The following AGAP1 variants were observed in gnomAD, a reference collection of about 807,000 sequenced individuals.
AGAP1 encodes the protein ArfGAP with GTPase domain, ankyrin repeat and PH domain 1, also known as arf-GAP with GTPase, ANK repeat and PH domain-containing protein 1.
Under a neutral mutation model 105.3 loss-of-function variants are expected in AGAP1, and 29 were observed. The ratio of observed to expected loss-of-function variants is 0.28; its 90% CI spans 0.21 to 0.38. AGAP1 has a LOEUF of 0.38. Among genes scored for constraint, AGAP1 ranks in the 10% least tolerant of loss-of-function variants. The pLI is 1.00. For synonymous variants in AGAP1, 509 were observed against 485.9 expected (o/e 1.05, Z -0.63); for missense variants, 998 against 1,165.1 (o/e 0.86, Z 2.09).
At position 235,551,053 on chromosome 2, in the gene AGAP1, C is replaced by G. The variant is rs1287446390; in HGVS notation, c.163+56204C>G. Among the ~76,000 whole-genome samples, 1 of 152,164 alleles carries G rather than the reference C, an allele frequency of 6.6e-6. No individual in the cohort carries two copies. Among genetic ancestry groups the G allele is most frequent in the South Asian group, 2.1e-4 (1 of 4,822 alleles). On this transcript the variant is annotated intron_variant, in intron 1 of 17. Transcript: ENST00000304032. This position sits in a 1 kb window ranked among gnomAD's most constrained non-coding sequence, Gnocchi z 4.8. ...CCTCTGAAAGTGCTGGGATTACAGG[C>G]GTGAGCCACCGCGCTCGGCCATAGA...
Position 235,720,648 on chromosome 2 carries a change from G to T in AGAP1, c.310+3004G>T, listed in dbSNP as rs145043789. 1 of 985,206 alleles carries T rather than the reference G, an allele frequency of 1.0e-6. No homozygotes were observed. The highest frequency in any genetic ancestry group is 1.7e-5 in the African/African-American group (1 of 57,238). The allele number at this position is 985,206 out of a possible 1,614,324, so 61.0% of individuals were successfully genotyped here. A position where few individuals can be genotyped will look rare whatever the true frequency, so the allele number is the denominator to read the frequency against. On this transcript the variant is annotated intron_variant, in intron 3 of 17. Coordinates refer to ENST00000304032, the MANE Select transcript of AGAP1 (RefSeq NM_001037131.3). The surrounding 1 kb of genome is among the most constrained non-coding windows in gnomAD (Gnocchi z 5.0). The stretch of plus-strand genomic sequence containing the variant: ...ATTTTGCTGTGTATCTGCCTGTCCA[G>T]ATAGTTCCTTGGATTCTCCCTGCGC...
At chr2:235,499,139 C>T (rs1160897302) in intron 1 of AGAP1, among the ~76,000 whole-genome samples, 4 of 152,196 alleles carry the variant, frequency 2.6e-5, no homozygotes, top group Non-Finnish European at 4.4e-5. Context: ...GAGCTGGGCC[C>T]GTCCGACCTC....
In AGAP1 at chr2:236,120,997, G is replaced by A. The variant is rs972522665; in HGVS notation, c.2370+550G>A. ...GTGGTTGTGCAGAGAGGCCCTGCCT[G>A]TGCCACCCAGGAGCTACGTCTGAGA... On this transcript the variant is annotated intron_variant, in intron 17 of 17. Transcript: ENST00000304032. The surrounding 1 kb of genome is among the most constrained non-coding windows in gnomAD (Gnocchi z 6.0). Among the ~76,000 whole-genome samples, 1 of 152,240 alleles carries A rather than the reference G, an allele frequency of 6.6e-6. No homozygotes were observed. Among genetic ancestry groups the A allele is most frequent in the Admixed American group, 6.5e-5 (1 of 15,286 alleles).
At chr2:235,644,437 T>A (rs1041694642) in intron 1 of AGAP1, among the ~76,000 whole-genome samples, 1 of 152,132 alleles carries the variant, frequency 6.6e-6, no homozygotes, top group Non-Finnish European at 1.5e-5. Context: ...TACGTTTCCA[T>A]GGAGTCTGTA....
intron 9 of AGAP1, among the ~76,000 whole-genome samples, chr2:235,831,272 C>T (rs577090413): frequency 7.2e-5 from 11 of 152,190 alleles, no homozygotes; most frequent in South Asian, 6.2e-4. Context: ...CCACAGCCTC[C>T]GCCATTGTCC....
chr2:235,505,492 G>C (rs767566595), intron 1 of AGAP1, among the ~76,000 whole-genome samples: 8 of 152,230 alleles, frequency 5.3e-5, no homozygotes, highest in Non-Finnish European at 1.0e-4. Context: ...TTTAGTAGGG[G>C]AAGTGGCTAA....
At chr2:235,813,585 G>A (rs1958280458) in intron 9 of AGAP1, among the ~76,000 whole-genome samples, 1 of 152,236 alleles carries the variant, frequency 6.6e-6, no homozygotes, top group Admixed American at 6.5e-5. Context: ...AGGCAGTCAG[G>A]CGGGTTGTGG....
rs944111254 is a variant in AGAP1 at position 235,664,759 on chromosome 2, C to T, written c.164-44420C>T. Among the ~76,000 whole-genome samples the T allele has an allele frequency of 6.6e-6, 1 of 152,072 alleles. No homozygotes were observed. The highest frequency in any genetic ancestry group is 2.4e-5 in the African/African-American group (1 of 41,402). ...AGTCTGGGCCTGAATCTCCCGTGTT[C>T]CTCATGCATGGGTAGAACTAAAGCC... On this transcript the variant is annotated intron_variant, in intron 1 of 17. Coordinates refer to ENST00000304032, the MANE Select transcript of AGAP1 (RefSeq NM_001037131.3). This position sits in a 1 kb window ranked among gnomAD's most constrained non-coding sequence, Gnocchi z 5.7.
intron 9 of AGAP1, among the ~76,000 whole-genome samples, chr2:235,873,299 T>TCCCC (rs1221977365): frequency 6.6e-6 from 1 of 152,214 alleles, no homozygotes; most frequent in East Asian, 1.9e-4. Flanking sequence ...AAAAGCTATT[T>TCCCC]CCCGAGTCTG....
chr2:235,585,217 G>A (rs999046304), intron 1 of AGAP1, among the ~76,000 whole-genome samples: 2 of 152,180 alleles, frequency 1.3e-5, no homozygotes, highest in African/African-American at 2.4e-5. Context: ...TGGGTCTTAC[G>A]GGCCTAAAAT....
At chr2:235,495,043 C>T (rs1195614602) in intron 1 of AGAP1, among the ~76,000 whole-genome samples, 194 bp downstream of exon 1, 1 of 152,146 alleles carries the variant, frequency 6.6e-6, no homozygotes, top group Non-Finnish European at 1.5e-5. Flanking sequence ...GCCGCGAGCT[C>T]CGCCAGGAAG....
rs2054646012 is a variant in AGAP1, at chr2:235,971,622, G to A, written c.1645+2999G>A. 6.6e-6 allele frequency among the ~76,000 whole-genome samples: 1 copy of A among 151,864 alleles called. No individual in the cohort carries two copies. The highest frequency in any genetic ancestry group is 2.4e-5 in the African/African-American group (1 of 41,396). On this transcript the variant is annotated intron_variant, in intron 13 of 17. Transcript: ENST00000304032. The surrounding 1 kb of genome is among the most constrained non-coding windows in gnomAD (Gnocchi z 4.8). ...GGAGAATGGCGTGAACCCAGGAGGTGGAGCTTGCAGTGAGCCGGGATGGCG... is the reference window on the plus strand; with the variant it reads ...GGAGAATGGCGTGAACCCAGGAGGTAGAGCTTGCAGTGAGCCGGGATGGCG...
Position 235,612,739 on chromosome 2 carries a change from G to C in AGAP1, c.164-96440G>C, listed in dbSNP as rs60359381. On this transcript the variant is annotated intron_variant, in intron 1 of 17. Coordinates refer to ENST00000304032, the MANE Select transcript of AGAP1 (RefSeq NM_001037131.3). The surrounding 1 kb of genome is among the most constrained non-coding windows in gnomAD (Gnocchi z 4.3). ...GGGTGGCCGGCCAGGTGTGCTGAGT[G>C]CCACCTGGGCTTGCATGCCGGACGC... Among the ~76,000 whole-genome samples the C allele has an allele frequency of 0.072, 10,964 of 152,204 alleles. 554 individuals are homozygous for C. Among genetic ancestry groups the C allele is most frequent in the East Asian group, 0.29 (1,508 of 5,138 alleles).
At position 235,901,683 on chromosome 2, in the gene AGAP1, C is replaced by G. The variant is rs1031892600; in HGVS notation, c.1156-7055C>G. On this transcript the variant is annotated intron_variant, in intron 10 of 17. Transcript: ENST00000304032. The surrounding 1 kb of genome is among the most constrained non-coding windows in gnomAD (Gnocchi z 4.3). Reference sequence around the variant, plus strand: ...GTCACCTGAAGTCAGAAGTTGGAGACTAGTCTGGCCAACATGGTGAAACCC... The same window carrying G: ...GTCACCTGAAGTCAGAAGTTGGAGAGTAGTCTGGCCAACATGGTGAAACCC... 2.0e-5 allele frequency among the ~76,000 whole-genome samples: 3 copies of G among 152,168 alleles called. No homozygotes were observed. Among genetic ancestry groups the G allele is most frequent in the Non-Finnish European group, 4.4e-5 (3 of 68,032 alleles).
rs909705653 is a variant in AGAP1, at chr2:235,655,977, G to A, written c.164-53202G>A. Among the ~76,000 whole-genome samples the A allele has an allele frequency of 2.6e-5, 4 of 152,184 alleles. No individual in the cohort carries two copies. Among genetic ancestry groups the A allele is most frequent in the Non-Finnish European group, 4.4e-5 (3 of 68,038 alleles). On this transcript the variant is annotated intron_variant, in intron 1 of 17. Coordinates refer to ENST00000304032, the MANE Select transcript of AGAP1 (RefSeq NM_001037131.3). The surrounding 1 kb of genome is among the most constrained non-coding windows in gnomAD (Gnocchi z 4.3). Reference sequence around the variant, plus strand: ...CGATACTTCCAATAAGTAACTAGCAGGGCTGTACACACTCTACCAGGAAAG... The same window carrying A: ...CGATACTTCCAATAAGTAACTAGCAAGGCTGTACACACTCTACCAGGAAAG...
At chr2:235,629,879 A>AAAAAAAG (rs1946769820) in intron 1 of AGAP1, among the ~76,000 whole-genome samples, 2 of 151,214 alleles carry the variant, frequency 1.3e-5, no homozygotes, top group Non-Finnish European at 1.5e-5. Context: ...AAAAAAAAAA[A>AAAAAAAG]AAAAGAAAGA....
chr2:235,753,264 T>C lies in AGAP1; in HGVS notation c.673+2776T>C, dbSNP rs1172249858. Among the ~76,000 whole-genome samples, 3 of 152,050 alleles carry C rather than the reference T, an allele frequency of 2.0e-5. No homozygotes were observed. The highest frequency in any genetic ancestry group is 7.2e-5 in the African/African-American group (3 of 41,418). On this transcript the variant is annotated intron_variant, in intron 6 of 17. Transcript: ENST00000304032. The surrounding 1 kb of genome is among the most constrained non-coding windows in gnomAD (Gnocchi z 4.5). ...AAGGACTGATATTTCTAAATATTAG[T>C]TTAAAATATTCAGAAAAAGCGTTTC...
At chr2:235,558,220 T>A (rs1436496588) in intron 1 of AGAP1, among the ~76,000 whole-genome samples, 1 of 151,132 alleles carries the variant, frequency 6.6e-6, no homozygotes. Flanking sequence ...GTGGGTGGGA[T>A]GCTCAGTGGA....
In AGAP1 at chr2:235,717,593, C is replaced by G. The variant is rs759879593; in HGVS notation, c.259C>G (p.Leu87Val). The G allele has an allele frequency of 3.1e-6, 5 of 1,604,472 alleles. No individual in the cohort carries two copies. The African/African-American group carries it at 6.7e-5, about 22-fold the overall frequency. ...TAACTTGGCCAGCGGCAAGTCTGCCCTGGTGCACCGGTACCTGACGGGCAC... is the reference window on the plus strand; with the variant it reads ...TAACTTGGCCAGCGGCAAGTCTGCCGTGGTGCACCGGTACCTGACGGGCAC... ...VGNLASGKSA[L>V]VHRYLTGTYV... Residue 87 changes from leucine to valine, a missense_variant, in exon 3 of 18, where the codon CTG becomes GTG. Physicochemically the swap from Leu to Val is conservative, Grantham distance 32 (BLOSUM62 1). Around this residue, in one of 3 missense-constraint regions of AGAP1, gnomAD observed 735 missense variants for 833.4 expected, o/e 0.88. Transcript: ENST00000304032.
Sources: gnomAD v4.1 joint callset for allele counts (sites outside exome capture counted in the v4.1 genomes callset) on GRCh38, gnomAD v4.1.1 for gene constraint, gnomAD v4.1.1 regional missense constraint, Gnocchi (gnomAD v3.1) non-coding constraint, MANE v1.5 for transcripts, NCBI Gene and HGNC (gene_info 2026-07-23, HGNC 2026-07-21) for gene names.